The following KCNK5 variants were observed in gnomAD, a reference collection of about 807,000 sequenced individuals.
KCNK5 encodes potassium channel subfamily K member 5.
Under a neutral mutation model 32.9 loss-of-function variants are expected in KCNK5, and 18 were observed. The observed-to-expected ratio is 0.55, with a 90% CI of 0.38 to 0.81. The LOEUF is 0.81. Among genes scored for constraint, KCNK5 ranks in the 30% least tolerant of loss-of-function variants. The probability of loss-of-function intolerance (pLI) is 0.00; values close to 1 mark genes in which losing one functional copy is unlikely to be tolerated. For missense variants in KCNK5, 507 were observed against 651.0 expected (o/e 0.78, Z 2.41); for synonymous variants, 276 against 275.3 (o/e 1.00, Z -0.03).
chr6:39,210,896 A>AGGCG (rs1771323553), intron 1 of KCNK5, among the ~76,000 whole-genome samples: 1 of 152,168 alleles, frequency 6.6e-6, no homozygotes, highest in Non-Finnish European at 1.5e-5. Context: ...GAGGCTCAAA[A>AGGCG]GACATGAATG....
intron 1 of KCNK5, among the ~76,000 whole-genome samples, chr6:39,208,398 C>T (rs1324193764): frequency 3.3e-5 from 5 of 152,158 alleles, no homozygotes; most frequent in Non-Finnish European, 5.9e-5. Context: ...TTTTCTCATC[C>T]ACCCACGGCC....
chr6:39,192,700 T>C (rs544953772), intron 4 of KCNK5, among the ~76,000 whole-genome samples: 1 of 152,108 alleles, frequency 6.6e-6, no homozygotes, highest in African/African-American at 2.4e-5. Context: ...CTGCTCCACA[T>C]CCCCCTCCTG....
In KCNK5 at chr6:39,229,119, G is replaced by A. The variant is rs372284323; in HGVS notation, c.-8C>T. The A allele has an allele frequency of 3.0e-5, 49 of 1,613,302 alleles. No individual in the cohort carries two copies. Among genetic ancestry groups the A allele is most frequent in the Non-Finnish European group, 4.0e-5 (47 of 1,179,760 alleles). Reference sequence around the variant, plus strand: ...AGGGCCCCGGTCCACCATGGCTCCCGAGCGGCCGCCTCCTAGAGAAAGCCT... The same window carrying A: ...AGGGCCCCGGTCCACCATGGCTCCCAAGCGGCCGCCTCCTAGAGAAAGCCT... On this transcript the variant is annotated 5_prime_UTR_variant, in exon 1 of 5. Transcript: ENST00000359534.
At position 39,202,715 on chromosome 6, in the gene KCNK5, C is replaced by T. The variant is rs1172742889; in HGVS notation, c.187-6728G>A. 1.2e-4 allele frequency among the ~76,000 whole-genome samples: 19 copies of T among 152,278 alleles called. 1 individual carries two copies. The East Asian group carries it at 3.7e-3, about 29-fold the overall frequency. On this transcript the variant is annotated intron_variant, in intron 1 of 4. Transcript: ENST00000359534. ...CTTTCCTTACTGAATCCCAAAGCCC[C>T]TCCTCTCTGAGGGCACTCAATCAAT...
intron 1 of KCNK5, among the ~76,000 whole-genome samples, chr6:39,207,103 C>G (rs1031150786): frequency 6.6e-6 from 1 of 152,176 alleles, no homozygotes; most frequent in Non-Finnish European, 1.5e-5. Context: ...AGCAGTTCAC[C>G]CCCCTGTGCC....
intron 1 of KCNK5, 129 bp from the exon 2 acceptor site, chr6:39,196,116 T>C (rs970101353): frequency 1.4e-5 from 8 of 584,814 alleles, no homozygotes; most frequent in African/African-American, 1.3e-4. Flanking sequence ...AGTGTCTCCA[T>C]GTTACAGATG....
At chr6:39,199,429 G>A (rs1771090191) in intron 1 of KCNK5, among the ~76,000 whole-genome samples, 1 of 152,192 alleles carries the variant, frequency 6.6e-6, no homozygotes, top group Non-Finnish European at 1.5e-5. Context: ...GGCAGCCACA[G>A]CATTATGTGC....
At chr6:39,213,477 T>C (rs1771376243) in intron 1 of KCNK5, among the ~76,000 whole-genome samples, 1 of 152,186 alleles carries the variant, frequency 6.6e-6, no homozygotes, top group Admixed American at 6.5e-5. Flanking sequence ...ACTTGAAGTC[T>C]GGTTCATGCC....
chr6:39,199,064 C>T (rs900158536), intron 1 of KCNK5, among the ~76,000 whole-genome samples: 9 of 152,072 alleles, frequency 5.9e-5, no homozygotes, highest in Non-Finnish European at 1.3e-4. Flanking sequence ...AGTGAACGGA[C>T]GGAATCCCTG....
At position 39,189,225 on chromosome 6, in the gene KCNK5, T is replaced by C. The variant is rs1356807963; in HGVS notation, c.*1665A>G. ...CTTCACATGTTGGGGAGGTGGGCTC[T>C]GGCCCCACTGCCCCACAGTAGTGGG... On this transcript the variant is annotated 3_prime_UTR_variant, in exon 5 of 5. Transcript: ENST00000359534. 1 of 152,228 alleles carries C rather than the reference T, an allele frequency of 6.6e-6. No individual in the cohort carries two copies. Among genetic ancestry groups the C allele is most frequent in the Non-Finnish European group, 1.5e-5 (1 of 68,034 alleles). The allele number at this position is 152,228 out of a possible 1,614,324, so 9.4% of individuals were successfully genotyped here.
rs1476911836 is a variant in KCNK5, at chr6:39,191,615, G to A, written c.775C>T (p.Arg259Trp). ...AAGGACTCCTTCCGTCGCCGCCGCC[G>A]CTTCTTAATGGCTTTGTGGACTTCC... The part of the protein sequence containing the change: ...FVEVHKAIKK[R>W]RRRRKESFES... The change falls in exon 5 of 5, where the codon CGG becomes TGG. Residue 259 changes from arginine (R) to tryptophan (W), a missense_variant. Arg to Trp is a moderately radical substitution (Grantham distance 101, BLOSUM62 -3). Around this residue, in one of 6 missense-constraint regions of KCNK5, gnomAD observed 45 missense variants for 107.6 expected, o/e 0.42. Transcript: ENST00000359534. The surrounding 1 kb of genome is among the most constrained non-coding windows in gnomAD (Gnocchi z 5.8). The A allele has an allele frequency of 1.9e-6, 3 of 1,613,976 alleles. No homozygotes were observed. The highest frequency in any genetic ancestry group is 1.1e-5 in the South Asian group (1 of 91,076).
chr6:39,196,716 C>A (rs536461935), intron 1 of KCNK5, among the ~76,000 whole-genome samples: 1 of 152,360 alleles, frequency 6.6e-6, no homozygotes, highest in African/African-American at 2.4e-5. Flanking sequence ...CTTTCTCTCT[C>A]TGCCCTGGGC....
At chr6:39,205,728 C>A (rs189032990) in intron 1 of KCNK5, among the ~76,000 whole-genome samples, 63 of 152,300 alleles carry the variant, frequency 4.1e-4, no homozygotes, top group African/African-American at 1.4e-3. Context: ...ATCCCTTGAG[C>A]CTGTCCAGCT....
chr6:39,207,026 T>C (rs1010787506), intron 1 of KCNK5, among the ~76,000 whole-genome samples: 14 of 152,224 alleles, frequency 9.2e-5, no homozygotes. Context: ...GGAGCTGGGC[T>C]AGGTGTTGAC....
rs550739725 is a variant in KCNK5, at chr6:39,211,518, C to T, written c.187-15531G>A. On this transcript the variant is annotated intron_variant, in intron 1 of 4. Transcript: ENST00000359534. ...AGGCCAGATGTGGCATTAGAAACCTCGGGTTCTGGCCCAATACTCTAGTAC... is the reference window on the plus strand; with the variant it reads ...AGGCCAGATGTGGCATTAGAAACCTTGGGTTCTGGCCCAATACTCTAGTAC... Among the ~76,000 whole-genome samples the T allele has an allele frequency of 1.3e-4, 20 of 152,320 alleles. 1 individual carries two copies. In the South Asian group the frequency reaches 3.5e-3, roughly 27 times the overall value.
At chr6:39,211,416 G>A (rs189891072) in intron 1 of KCNK5, among the ~76,000 whole-genome samples, 7 of 152,264 alleles carry the variant, frequency 4.6e-5, no homozygotes, top group East Asian at 1.9e-4. Flanking sequence ...CAGGGGGTGC[G>A]CTCGCCTCGG....
At chr6:39,217,259 G>C (rs1387552792) in intron 1 of KCNK5, among the ~76,000 whole-genome samples, 1 of 151,722 alleles carries the variant, frequency 6.6e-6, no homozygotes, top group African/African-American at 2.4e-5. Context: ...GGGATCAACG[G>C]CAGGGGTCCA....
At position 39,194,733 on chromosome 6, in the gene KCNK5, G is replaced by A. The variant is rs151091132; in HGVS notation, c.326C>T (p.Pro109Leu). The A allele has an allele frequency of 6.2e-7, 1 of 1,614,052 alleles. No homozygotes were observed. Residue 109 changes from proline (P) to leucine (L), a missense_variant, in exon 3 of 5, where the codon CCC becomes CTC. Physicochemically the swap from Pro to Leu is moderately conservative, Grantham distance 98. Transcript: ENST00000359534. This position sits in a 1 kb window ranked among gnomAD's most constrained non-coding sequence, Gnocchi z 4.7. ...GAAAACACAGAAGAGGCGACCGGCG[G>A]GGGTCTTGGGAGCCACATTGCCATA... ...IGYGNVAPKTPAGRLFCVFYG... is the reference protein window; with the variant it reads ...IGYGNVAPKTLAGRLFCVFYG...
At position 39,191,019 on chromosome 6, in the gene KCNK5, C is replaced by T. The variant is rs773369117; in HGVS notation, c.1371G>A (p.Ala457=). The T allele has an allele frequency of 2.2e-5, 35 of 1,597,520 alleles. No homozygotes were observed. The highest frequency in any genetic ancestry group is 1.7e-4 in the Middle Eastern group (1 of 6,002). ...AGGGGAACTCGCCCATGTTCAGGGG[C>T]GCCTTGGCTTCAGCCCCCTGCTGGG... ...ESPQQGAEAK[A]PLNMGEFPSS... is the part of the protein sequence containing the mutation. Residue 457 remains alanine (A), a synonymous_variant, in exon 5 of 5, where the codon GCG becomes GCA. Coordinates refer to ENST00000359534, the MANE Select transcript of KCNK5 (RefSeq NM_003740.4). The surrounding 1 kb of genome is among the most constrained non-coding windows in gnomAD (Gnocchi z 5.8).
Sources: gnomAD v4.1 joint callset for allele counts (sites outside exome capture counted in the v4.1 genomes callset) on GRCh38, gnomAD v4.1.1 for gene constraint, gnomAD v4.1.1 regional missense constraint, Gnocchi (gnomAD v3.1) non-coding constraint, MANE v1.5 for transcripts, NCBI Gene and HGNC (gene_info 2026-07-23, HGNC 2026-07-21) for gene names.